Variants in GSE1 observed in about 807,000 individuals in gnomAD.
GSE1 encodes genetic suppressor element 1.
Under a neutral mutation model 112.6 loss-of-function variants are expected in GSE1, and 32 were observed. The ratio of observed to expected loss-of-function variants is 0.28; its 90% CI spans 0.21 to 0.38. GSE1 has a LOEUF of 0.38. Among genes scored for constraint, GSE1 ranks in the 10% least tolerant of loss-of-function variants. GSE1 has a pLI of 1.00. For synonymous variants in GSE1, 1,115 were observed against 735.6 expected (o/e 1.52, Z -8.35); for missense variants, 2,348 against 1,699.2 (o/e 1.38, Z -6.71).
intron 2 of GSE1, among the ~76,000 whole-genome samples, chr16:85,404,170 G>A (rs866811741): frequency 1.8e-4 from 13 of 70,846 alleles, no homozygotes; most frequent in African/African-American, 2.7e-4. Flanking sequence ...AGGGCCCCCC[G>A]GATAATCCTC....
chr16:85,343,748 C>G (rs1216375001), intron 1 of GSE1, among the ~76,000 whole-genome samples: 1 of 151,964 alleles, frequency 6.6e-6, no homozygotes, highest in Non-Finnish European at 1.5e-5. Flanking sequence ...GATCCTGACT[C>G]AAAAAAAGTT....
At chr16:85,281,189 TGAA>T (rs775539092) in intron 1 of GSE1, among the ~76,000 whole-genome samples, 9 of 152,182 alleles carry the variant, frequency 5.9e-5, no homozygotes, top group Non-Finnish European at 4.4e-5. Flanking sequence ...CTGTCAGTTC[TGAA>T]CCTTTACTGG....
At position 85,200,701 on chromosome 16, in the gene GSE1, A is replaced by C. The variant is rs189018116; in HGVS notation, c.2283+28894A>C. On this transcript the variant is annotated intron_variant, in intron 1 of 2. Transcript: ENST00000637419. ...ACTGCAAGGGGACAGTTCAAGGGCTAGTAGGTCACACAAACCTCAACAATT... is the reference window on the plus strand; with the variant it reads ...ACTGCAAGGGGACAGTTCAAGGGCTCGTAGGTCACACAAACCTCAACAATT... Among the ~76,000 whole-genome samples, 294 of 152,356 alleles carry C rather than the reference A, an allele frequency of 1.9e-3. 1 individual carries two copies. Among genetic ancestry groups the C allele is most frequent in the Non-Finnish European group, 3.4e-3 (229 of 68,024 alleles).
At chr16:85,263,908 C>G (rs933130618) in intron 1 of GSE1, among the ~76,000 whole-genome samples, 3 of 152,154 alleles carry the variant, frequency 2.0e-5, no homozygotes, top group Non-Finnish European at 4.4e-5. Context: ...TCCAGGTCTC[C>G]TCTGCCGTCC....
At chr16:85,499,016 A>G (rs1386867959) in intron 2 of GSE1, among the ~76,000 whole-genome samples, 1 of 152,216 alleles carries the variant, frequency 6.6e-6, no homozygotes, top group Non-Finnish European at 1.5e-5. Flanking sequence ...CCACCATGGG[A>G]CCTGCATTTG....
chr16:85,544,808 C>A (rs1598125875), intron 2 of GSE1, among the ~76,000 whole-genome samples: 1 of 152,312 alleles, frequency 6.6e-6, no homozygotes, highest in African/African-American at 2.4e-5. Flanking sequence ...GGAGCAGGGC[C>A]TCGCCTGGTC....
At chr16:85,635,308 C>T (rs868167565) in intron 2 of GSE1, among the ~76,000 whole-genome samples, 5 of 152,168 alleles carry the variant, frequency 3.3e-5, no homozygotes, top group Middle Eastern at 3.2e-3. Flanking sequence ...GGGGCAGCCC[C>T]TCGCCTCCTG....
chr16:85,642,103 C>G (rs899036604), intron 2 of GSE1, among the ~76,000 whole-genome samples: 1 of 152,234 alleles, frequency 6.6e-6, no homozygotes, highest in Non-Finnish European at 1.5e-5. Flanking sequence ...AGTCATGGCA[C>G]GTGGCACACT....
intron 1 of GSE1, among the ~76,000 whole-genome samples, chr16:85,218,630 A>G (rs1467421629): frequency 1.3e-5 from 2 of 152,066 alleles, no homozygotes; most frequent in East Asian, 1.9e-4. Context: ...TCCAAATCAT[A>G]TGGAAAATGG....
At chr16:85,304,601 C>T (rs865929640) in intron 1 of GSE1, among the ~76,000 whole-genome samples, 3 of 78,220 alleles carry the variant, frequency 3.8e-5, no homozygotes, top group African/African-American at 8.9e-5. Context: ...AAGCCGGGGG[C>T]GGGGGGGTGG....
chr16:85,634,398 C>T (rs547714789), intron 2 of GSE1, among the ~76,000 whole-genome samples: 7 of 152,310 alleles, frequency 4.6e-5, no homozygotes, highest in Non-Finnish European at 5.9e-5. Context: ...CCGGATGTAG[C>T]GAGGTGCTCC....
At chr16:85,635,041 C>T (rs180803132) in intron 2 of GSE1, among the ~76,000 whole-genome samples, 39 of 152,270 alleles carry the variant, frequency 2.6e-4, no homozygotes, top group African/African-American at 6.0e-4. Context: ...CAGGGCCCTC[C>T]GGGGTGGCCA....
chr16:85,554,351 ACT>A (rs1367985497), upstream of GSE1, among the ~76,000 whole-genome samples: 6 of 151,792 alleles, frequency 4.0e-5, no homozygotes, highest in African/African-American at 7.3e-5. Context: ...CCACACTCAC[ACT>A]CTCTGTGCAG....
intron 2 of GSE1, among the ~76,000 whole-genome samples, chr16:85,506,559 G>T (rs992630147): frequency 2.2e-4 from 34 of 152,214 alleles, no homozygotes; most frequent in African/African-American, 7.9e-4. Flanking sequence ...TAGTGCAGAA[G>T]GCGTGTTTTG....
chr16:85,654,420 T>C lies in GSE1; in HGVS notation c.569T>C (p.Val190Ala). The C allele has an allele frequency of 6.3e-7, 1 of 1,577,946 alleles. No individual in the cohort carries two copies. Residue 190 changes from valine (V) to alanine (A), a missense_variant, in exon 4 of 16, where the codon GTT becomes GCT. Coordinates refer to ENST00000253458, the MANE Select transcript of GSE1 (RefSeq NM_014615.5). ...PYPFGLSPSS[V>A]VQDSRFPPLN... ...CCCTTCGGCCTCTCCCCCAGCTCAG[T>C]TGTGCAGGATTCCCGCTTCCCGCCA...
At chr16:85,339,387 G>A (rs74737774) in intron 1 of GSE1, among the ~76,000 whole-genome samples, 10,726 of 152,088 alleles carry the variant, frequency 0.071, 401 homozygotes, top group Admixed American at 0.093. Context: ...ACAAATGGCC[G>A]CGGTGCTGAC....
At chr16:85,629,530 C>A (rs1470997343) in intron 1 of GSE1, among the ~76,000 whole-genome samples, 1 of 152,236 alleles carries the variant, frequency 6.6e-6, no homozygotes, top group African/African-American at 2.4e-5. Context: ...TCGAGCTGGG[C>A]CCTGGCTGGC....
Position 85,673,245 on chromosome 16 carries a change from G to C in GSE1, c.*706G>C, listed in dbSNP as rs2053483282. 1 of 152,466 alleles carries C rather than the reference G, an allele frequency of 6.6e-6. No individual in the cohort carries two copies. Among genetic ancestry groups the C allele is most frequent in the Non-Finnish European group, 1.5e-5 (1 of 68,030 alleles). 9.4% of individuals were successfully genotyped at this position (152,466 alleles called of 1,614,324 possible). ...TGTATACACAGCTTCACACCCACCA[G>C]ATTGTTACTACAGTGGGTTGGGTTT... is the stretch of plus-strand genomic sequence containing the variant. On this transcript the variant is annotated 3_prime_UTR_variant, in exon 16 of 16. Transcript: ENST00000253458.
intron 2 of GSE1, among the ~76,000 whole-genome samples, chr16:85,395,553 C>T (rs2047945885): frequency 1.3e-5 from 2 of 152,218 alleles, no homozygotes; most frequent in South Asian, 2.1e-4. Flanking sequence ...TCCCAGCAGC[C>T]AGCACCCAGC....
Sources: allele counts gnomAD v4.1 joint callset (sites outside exome capture counted in the v4.1 genomes callset), GRCh38; gene constraint gnomAD v4.1.1; transcripts MANE v1.5; gene names NCBI Gene and HGNC (gene_info 2026-07-23, HGNC 2026-07-21).